The following FOCAD variants were observed in gnomAD, a reference collection of about 807,000 sequenced individuals.
FOCAD encodes focadhesin.
Under a neutral mutation model 225.6 loss-of-function variants are expected in FOCAD, and 198 were observed. That is an observed-to-expected ratio of 0.88 (90% confidence interval 0.78 to 0.99). The LOEUF is 0.99. Ranked by LOEUF, FOCAD falls within the 50% of genes least tolerant of loss-of-function variation. The pLI, the probability that FOCAD is intolerant of heterozygous loss-of-function variation, is 0.00. For missense variants in FOCAD, 2,713 were observed against 2,123.6 expected (o/e 1.28, Z -5.46); for synonymous variants, 897 against 755.0 (o/e 1.19, Z -3.08).
intron 5 of FOCAD, among the ~76,000 whole-genome samples, chr9:20,741,257 A>C (rs564069954): frequency 2.6e-5 from 4 of 152,276 alleles, no homozygotes; most frequent in Non-Finnish European, 4.4e-5. Flanking sequence ...CAGGTATCAG[A>C]AGTGTGAGAG....
intron 1 of FOCAD, among the ~76,000 whole-genome samples, chr9:20,699,833 A>ATCTTAACC (rs1823791944): frequency 8.0e-6 from 1 of 125,176 alleles, no homozygotes; most frequent in Non-Finnish European, 1.6e-5. Flanking sequence ...TACATATTAC[A>ATCTTAACC]TCTTAACCCC....
At chr9:20,963,810 T>G (rs566106394) in intron 35 of FOCAD, among the ~76,000 whole-genome samples, 45 of 152,328 alleles carry the variant, frequency 3.0e-4, no homozygotes, top group Admixed American at 2.3e-3. Context: ...AGCATGGAGT[T>G]ATGTGAATAG....
At chr9:20,956,104 C>G (rs937061876) in intron 35 of FOCAD, among the ~76,000 whole-genome samples, 1 of 152,140 alleles carries the variant, frequency 6.6e-6, no homozygotes, top group Non-Finnish European at 1.5e-5. Context: ...GGTCAGTGAT[C>G]TGCGTGTGTA....
chr9:20,719,778 C>CTTTTTTTTTTTT (rs34384301), intron 3 of FOCAD, among the ~76,000 whole-genome samples: 3 of 62,110 alleles, frequency 4.8e-5, no homozygotes, highest in Non-Finnish European at 8.4e-5. Flanking sequence ...TTTTCCTAGG[C>CTTTTTTTTTTTT]TTTTTTTTTT....
intron 35 of FOCAD, among the ~76,000 whole-genome samples, chr9:20,972,571 G>C (rs192603856): frequency 6.6e-6 from 1 of 151,264 alleles, no homozygotes. Context: ...TCAGTTTCTA[G>C]TTGTTCTGCT....
At chr9:20,772,189 G>T (rs1283375462) in intron 8 of FOCAD, among the ~76,000 whole-genome samples, 1 of 152,132 alleles carries the variant, frequency 6.6e-6, no homozygotes, top group African/African-American at 2.4e-5. Flanking sequence ...TTGGGCTACT[G>T]GATGATGCCA....
Position 20,874,644 on chromosome 9 carries a change from A to G in FOCAD, c.2191-37A>G, listed in dbSNP as rs1190136193. 19 of 1,595,640 alleles carry G rather than the reference A, an allele frequency of 1.2e-5. No individual in the cohort carries two copies. In the East Asian group the frequency reaches 4.3e-4, roughly 36 times the overall value. On this transcript the variant is annotated intron_variant, in intron 18 of 43. Transcript: ENST00000338382. Reference sequence around the variant, plus strand: ...AAAAGATTTTGCATAATGTTTTATTATTATCCTCTCTATGATCTTTTCGCT... The same window carrying G: ...AAAAGATTTTGCATAATGTTTTATTGTTATCCTCTCTATGATCTTTTCGCT...
chr9:20,883,572 G>A (rs919186099), intron 20 of FOCAD, among the ~76,000 whole-genome samples: 1 of 152,280 alleles, frequency 6.6e-6, no homozygotes, highest in African/African-American at 2.4e-5. Flanking sequence ...ATGGGATTAA[G>A]CTAGAAATAA....
At chr9:20,800,489 C>G (rs188380010) in intron 11 of FOCAD, among the ~76,000 whole-genome samples, 89 of 152,270 alleles carry the variant, frequency 5.8e-4, no homozygotes, top group Admixed American at 1.3e-3. Flanking sequence ...GTACACCAAT[C>G]AGATGTAAAT....
chr9:20,847,074 A>G lies in FOCAD; in HGVS notation c.1921-15504A>G, dbSNP rs150000103. Among the ~76,000 whole-genome samples, 25 of 152,250 alleles carry G rather than the reference A, an allele frequency of 1.6e-4. 1 individual carries two copies. Among genetic ancestry groups the G allele is most frequent in the African/African-American group, 5.5e-4 (23 of 41,576 alleles). On this transcript the variant is annotated intron_variant, in intron 15 of 43. Coordinates refer to ENST00000338382, the MANE Select transcript of FOCAD (RefSeq NM_001375567.1). ...TTTTGGTAAATAGCTTTATTGAGATAAAATTTATATATAATACAGTTCAGC... is the reference window on the plus strand; with the variant it reads ...TTTTGGTAAATAGCTTTATTGAGATGAAATTTATATATAATACAGTTCAGC...
intron 35 of FOCAD, among the ~76,000 whole-genome samples, chr9:20,956,721 G>C (rs1189795975): frequency 1.3e-5 from 2 of 152,014 alleles, no homozygotes; most frequent in South Asian, 4.1e-4. Flanking sequence ...CATGAGGTTT[G>C]TTTTCATAAA....
chr9:20,781,256 A>G (rs1184427198), intron 9 of FOCAD, among the ~76,000 whole-genome samples: 1 of 152,198 alleles, frequency 6.6e-6, no homozygotes, highest in Admixed American at 6.5e-5. Flanking sequence ...GACTTTCACA[A>G]TCTGCTTCTT....
intron 2 of FOCAD, among the ~76,000 whole-genome samples, chr9:20,673,783 G>A (rs1214549419): frequency 6.6e-6 from 1 of 152,106 alleles, no homozygotes; most frequent in Non-Finnish European, 1.5e-5. Context: ...TGTTGCCGAG[G>A]CTGGTCTTGA....
In FOCAD at chr9:20,907,199, C is replaced by G; in HGVS notation, c.2675C>G (p.Ala892Gly). The G allele has an allele frequency of 6.2e-7, 1 of 1,613,286 alleles. No homozygotes were observed. Among genetic ancestry groups the G allele is most frequent in the Non-Finnish European group, 8.5e-7 (1 of 1,179,522 alleles). The change falls in exon 22 of 44, where the codon GCC (alanine) becomes GGC (glycine). Residue 892 changes from alanine (A) to glycine (G), a missense_variant. By Grantham distance (60) the Ala-to-Gly change is moderately conservative. Coordinates refer to ENST00000338382, the MANE Select transcript of FOCAD (RefSeq NM_001375567.1). ...CACCGTGCAATTTTTCTTCCACAGG[C>G]CTGGCTTGCATACATGAATCGAGCT... is the stretch of plus-strand genomic sequence containing the variant. ...EWHRAIFLPQ[A>G]WLAYMNRAYH...
At chr9:20,967,465 T>C (rs1194644535) in intron 35 of FOCAD, among the ~76,000 whole-genome samples, 3 of 152,142 alleles carry the variant, frequency 2.0e-5, no homozygotes, top group Admixed American at 6.6e-5. Context: ...TTTGCAAATA[T>C]AGTTTTATGT....
intron 1 of FOCAD, among the ~76,000 whole-genome samples, chr9:20,689,244 A>G (rs1281535134): frequency 6.6e-6 from 1 of 152,064 alleles, no homozygotes; most frequent in Non-Finnish European, 1.5e-5. Flanking sequence ...CTGTGGATAT[A>G]GATGGTAGAA....
At chr9:20,944,908 C>A in intron 29 of FOCAD, 134 bp downstream of exon 29, 1 of 953,482 alleles carries the variant, frequency 1.0e-6, no homozygotes, top group Non-Finnish European at 1.5e-6. Flanking sequence ...GAATGACAAA[C>A]AACCAATATT....
intron 8 of FOCAD, among the ~76,000 whole-genome samples, chr9:20,775,485 G>A (rs1267633548): frequency 6.6e-6 from 1 of 152,196 alleles, no homozygotes; most frequent in African/African-American, 2.4e-5. Context: ...AAAATGATCT[G>A]TTTGGCCCAT....
rs749860355 is a variant in FOCAD at position 20,710,229 on chromosome 9, A to ATTTTT, written c.-32-5074_-32-5070dup. ...CTGTACTTGGATCCCAGTAGCTGAG[A>ATTTTT]TTTTTTTTTTTTTTTTTTTTTTTGC... On this transcript the variant is annotated intron_variant, in intron 1 of 43. Transcript: ENST00000338382. Among the ~76,000 whole-genome samples the ATTTTT allele has an allele frequency of 1.7e-3, 176 of 102,182 alleles. 1 individual carries two copies. Among genetic ancestry groups the ATTTTT allele is most frequent in the Non-Finnish European group, 2.5e-3 (132 of 52,286 alleles). The allele number at this position is 102,182 out of a possible 152,430, so 67.0% of individuals were successfully genotyped here. A position where few individuals can be genotyped will look rare whatever the true frequency, so the allele number is the denominator to read the frequency against.
Sources: gnomAD v4.1 joint callset for allele counts (sites outside exome capture counted in the v4.1 genomes callset) on GRCh38, gnomAD v4.1.1 for gene constraint, MANE v1.5 for transcripts, NCBI Gene and HGNC (gene_info 2026-07-23, HGNC 2026-07-21) for gene names.